CD300A: variants seen among roughly 807,000 people sequenced by gnomAD.
CD300A encodes the protein CD300a molecule.
A neutral mutation model predicts 33.6 loss-of-function variants in CD300A; 22 were observed. The ratio of observed to expected loss-of-function variants is 0.66; its 90% CI spans 0.47 to 0.94. The LOEUF (loss-of-function observed/expected upper bound fraction) is 0.94. Ranked by LOEUF, CD300A falls within the 40% of genes least tolerant of loss-of-function variation. The pLI, the probability that CD300A is intolerant of heterozygous loss-of-function variation, is 0.00. For missense variants in CD300A, 326 were observed against 360.5 expected, an observed-to-expected ratio of 0.90 and a Z score of 0.77; for synonymous variants, 136 against 148.1, an observed-to-expected ratio of 0.92 and a Z score of 0.59.
In CD300A at chr17:74,469,864, CA is replaced by C. The variant is rs894707287; in HGVS notation, c.40+3128del. ...AAAATAATTAATCATTTACCCCTTACAAAAAAATCCATTTATTAATGTATAT... is the reference window on the plus strand; with the variant it reads ...AAAATAATTAATCATTTACCCCTTACAAAAAATCCATTTATTAATGTATAT... On this transcript the variant is annotated intron_variant, in intron 1 of 6. Transcript: ENST00000360141. 4.1e-5 allele frequency: 28 copies of C among 678,932 alleles called. 1 individual carries two copies. The highest frequency in any genetic ancestry group is 3.8e-5 in the Non-Finnish European group (21 of 551,022). The allele number at this position is 678,932 out of a possible 1,614,324, so 42.1% of individuals were successfully genotyped here.
In CD300A at chr17:74,469,859, C is replaced by T. The variant is rs1315389173; in HGVS notation, c.40+3116C>T. 5 of 566,028 alleles carry T rather than the reference C, an allele frequency of 8.8e-6. No homozygotes were observed. In the African/African-American group the frequency reaches 1.0e-4, roughly 12 times the overall value. The allele number at this position is 566,028 out of a possible 1,614,324, so 35.1% of individuals were successfully genotyped here. A position where few individuals can be genotyped will look rare whatever the true frequency, so the allele number is the denominator to read the frequency against. On this transcript the variant is annotated intron_variant, in intron 1 of 6. Transcript: ENST00000360141. ...GAAATAAAATAATTAATCATTTACC[C>T]CTTACAAAAAAATCCATTTATTAAT... is the stretch of plus-strand genomic sequence containing the variant.
rs1907117952 is a variant in CD300A at position 74,484,394 on chromosome 17, C to G, written c.*268C>G. 1 of 322,434 alleles carries G rather than the reference C, an allele frequency of 3.1e-6. No individual in the cohort carries two copies. Among genetic ancestry groups the G allele is most frequent in the South Asian group, 4.1e-5 (1 of 24,188 alleles). The allele number at this position is 322,434 out of a possible 1,614,324, so 20.0% of individuals were successfully genotyped here. A position where few individuals can be genotyped will look rare whatever the true frequency, so the allele number is the denominator to read the frequency against. ...TCTTTCCCCTTTGCCCCTGCTTCAT[C>G]CCAGCTCTGTGTGTGGAGGACAAAG... On this transcript the variant is annotated 3_prime_UTR_variant, in exon 7 of 7. Coordinates refer to ENST00000360141, the MANE Select transcript of CD300A (RefSeq NM_007261.4).
intron 6 of CD300A, among the ~76,000 whole-genome samples, chr17:74,482,602 C>T (rs773965389): frequency 6.6e-6 from 1 of 151,226 alleles, no homozygotes; most frequent in African/African-American, 2.5e-5. Flanking sequence ...CGCACCGTTC[C>T]CCAACCTCCC....
chr17:74,477,669 C>T, intron 4 of CD300A, 139 bp downstream of exon 4: 1 of 577,094 alleles, frequency 1.7e-6, no homozygotes, highest in Non-Finnish European at 3.1e-6. Context: ...CTAGGTGATC[C>T]TACAGGGCAG....
At chr17:74,469,611 G>A (rs1300568639) in intron 1 of CD300A, among the ~76,000 whole-genome samples, 2 of 152,156 alleles carry the variant, frequency 1.3e-5, no homozygotes, top group African/African-American at 4.8e-5. Flanking sequence ...GATCACTTGA[G>A]GTCAGGAGTT....
chr17:74,480,430 T>C lies in CD300A; in HGVS notation c.629-859T>C, dbSNP rs1339828289. Among the ~76,000 whole-genome samples the C allele has an allele frequency of 6.6e-6, 1 of 152,140 alleles. No individual in the cohort carries two copies. Among genetic ancestry groups the C allele is most frequent in the East Asian group, 1.9e-4 (1 of 5,160 alleles). On this transcript the variant is annotated intron_variant, in intron 4 of 6. Transcript: ENST00000360141. This position sits in a 1 kb window ranked among gnomAD's most constrained non-coding sequence, Gnocchi z 4.2. ...GTTAGGGTGTACAGGGCTGTGCTCA[T>C]AGGCAGCACCCTTATAGAGCAGGTG...
chr17:74,476,362 T>G (rs1906461026), intron 3 of CD300A, among the ~76,000 whole-genome samples: 1 of 152,110 alleles, frequency 6.6e-6, no homozygotes, highest in South Asian at 2.1e-4. Context: ...CTGGACAACA[T>G]CCATAAACCC....
In CD300A at chr17:74,479,525, A is replaced by G. The variant is rs538118665; in HGVS notation, c.629-1764A>G. Reference sequence around the variant, plus strand: ...ATTACAGATGTGAGCCACCACACCCAGTCATGCATCTGCGATGTCTTAACA... The same window carrying G: ...ATTACAGATGTGAGCCACCACACCCGGTCATGCATCTGCGATGTCTTAACA... On this transcript the variant is annotated intron_variant, in intron 4 of 6. Coordinates refer to ENST00000360141, the MANE Select transcript of CD300A (RefSeq NM_007261.4). Among the ~76,000 whole-genome samples the G allele has an allele frequency of 7.9e-5, 12 of 152,166 alleles. No individual in the cohort carries two copies. In the East Asian group the frequency reaches 2.3e-3, roughly 29 times the overall value.
At chr17:74,477,156 C>A (rs1200470396) in intron 3 of CD300A, among the ~76,000 whole-genome samples, 1 of 151,992 alleles carries the variant, frequency 6.6e-6, no homozygotes, top group Admixed American at 6.6e-5. Context: ...GGCTTGAGCT[C>A]AGGAGTCTGA....
In CD300A at chr17:74,481,765, C is replaced by T. The variant is rs757061494; in HGVS notation, c.706C>T (p.Leu236=). The T allele has an allele frequency of 6.2e-7, 1 of 1,612,796 alleles. No homozygotes were observed. The highest frequency in any genetic ancestry group is 8.5e-7 in the Non-Finnish European group (1 of 1,179,682). ...QSELHYANLE[L]LMWPLQEKPA... Reference sequence around the variant, plus strand: ...TGAGCTGCACTACGCAAATCTGGAGCTGCTGATGTGGCCTCTGCAGGAAAA... The same window carrying T: ...TGAGCTGCACTACGCAAATCTGGAGTTGCTGATGTGGCCTCTGCAGGAAAA... Residue 236 remains leucine, a synonymous_variant, in exon 6 of 7, where the codon CTG becomes TTG. Coordinates refer to ENST00000360141, the MANE Select transcript of CD300A (RefSeq NM_007261.4).
chr17:74,473,805 G>A lies in CD300A; in HGVS notation c.310G>A (p.Gly104Arg), dbSNP rs767661925. ...GGAGGATGCAGGCACCTACTGGTGT[G>A]GGGTGGATACACCATGGCTCCGAGA... is the stretch of plus-strand genomic sequence containing the variant. ...TEEDAGTYWC[G>R]VDTPWLRDFH... is the part of the protein sequence containing the mutation. Residue 104 changes from glycine to arginine, a missense_variant, in exon 2 of 7, where the codon GGG becomes AGG. By Grantham distance (125) the Gly-to-Arg change is moderately radical. Transcript: ENST00000360141. 1 of 1,614,214 alleles carries A rather than the reference G, an allele frequency of 6.2e-7. No individual in the cohort carries two copies. Among genetic ancestry groups the A allele is most frequent in the Non-Finnish European group, 8.5e-7 (1 of 1,180,020 alleles).
chr17:74,481,630 C>T (rs1906854432), intron 5 of CD300A, 96 bp from the exon 6 acceptor site: 3 of 876,452 alleles, frequency 3.4e-6, no homozygotes, highest in East Asian at 5.3e-5. Flanking sequence ...GGCTGAGGTG[C>T]TCAGAGCATA....
chr17:74,479,728 G>T (rs1283010690), intron 4 of CD300A, among the ~76,000 whole-genome samples: 1 of 152,010 alleles, frequency 6.6e-6, no homozygotes, highest in Non-Finnish European at 1.5e-5. Context: ...AAACATTTTT[G>T]ACTCTCTGTC....
In CD300A at chr17:74,482,697, C is replaced by T. The variant is rs9915863; in HGVS notation, c.774+864C>T. On this transcript the variant is annotated intron_variant, in intron 6 of 6. Coordinates refer to ENST00000360141, the MANE Select transcript of CD300A (RefSeq NM_007261.4). ...GGCCAAGTTCCTTCCTTCCTTCCTT[C>T]CTTTCTTTCTTTCTTTCTTTCTTTC... Among the ~76,000 whole-genome samples, 219 of 130,180 alleles carry T rather than the reference C, an allele frequency of 1.7e-3. 2 individuals are homozygous for T. The highest frequency in any genetic ancestry group is 2.3e-3 in the Non-Finnish European group (146 of 64,654). The allele number at this position is 130,180 out of a possible 152,430, so 85.4% of individuals were successfully genotyped here.
In CD300A at chr17:74,477,451, C is replaced by G. The variant is rs779562299; in HGVS notation, c.549C>G (p.Leu183=). ...CCTCCTCCAGGCTCCCGCTGCTCCTCTCCCTGCTGGCATTGTTGCTGCTTC... is the reference window on the plus strand; with the variant it reads ...CCTCCTCCAGGCTCCCGCTGCTCCTGTCCCTGCTGGCATTGTTGCTGCTTC... ...EVVNSQLPLL[L]SLLALLLLLL... The change falls in exon 4 of 7, where the codon CTC becomes CTG. Residue 183 remains leucine (L), a synonymous_variant. Coordinates refer to ENST00000360141, the MANE Select transcript of CD300A (RefSeq NM_007261.4). The G allele has an allele frequency of 6.2e-7, 1 of 1,613,762 alleles. No individual in the cohort carries two copies. Among genetic ancestry groups the G allele is most frequent in the Non-Finnish European group, 8.5e-7 (1 of 1,179,824 alleles).
At chr17:74,477,797 T>A (rs1906574562) in intron 4 of CD300A, among the ~76,000 whole-genome samples, 2 of 152,042 alleles carry the variant, frequency 1.3e-5, no homozygotes, top group Non-Finnish European at 2.9e-5. Flanking sequence ...ATGACCCTCT[T>A]CTGTTTAAAA....
rs951382025 is a variant in CD300A at position 74,480,385 on chromosome 17, C to T, written c.629-904C>T. On this transcript the variant is annotated intron_variant, in intron 4 of 6. Coordinates refer to ENST00000360141, the MANE Select transcript of CD300A (RefSeq NM_007261.4). The surrounding 1 kb of genome is among the most constrained non-coding windows in gnomAD (Gnocchi z 4.2). The stretch of plus-strand genomic sequence containing the variant: ...TGTGTCACCCGCTGCCCACGTGGTC[C>T]GGGCTCCTGGGGTGAAAGGGTTAGG... Among the ~76,000 whole-genome samples the T allele has an allele frequency of 2.6e-5, 4 of 152,162 alleles. No homozygotes were observed. The highest frequency in any genetic ancestry group is 1.9e-4 in the East Asian group (1 of 5,194).
At position 74,480,541 on chromosome 17, in the gene CD300A, T is replaced by G. The variant is rs549569030; in HGVS notation, c.629-748T>G. On this transcript the variant is annotated intron_variant, in intron 4 of 6. Transcript: ENST00000360141. This position sits in a 1 kb window ranked among gnomAD's most constrained non-coding sequence, Gnocchi z 4.2. Reference sequence around the variant, plus strand: ...CCTACGGCCTGGGGCAGCAGGCAGGTGGGCTGTCTGGGAGGGCAGACCTCA... The same window carrying G: ...CCTACGGCCTGGGGCAGCAGGCAGGGGGGCTGTCTGGGAGGGCAGACCTCA... 4.6e-5 allele frequency among the ~76,000 whole-genome samples: 7 copies of G among 152,134 alleles called. No individual in the cohort carries two copies. In the South Asian group the frequency reaches 1.5e-3, roughly 32 times the overall value.
chr17:74,466,927 G>A (rs1335605868), intron 1 of CD300A, 184 bp downstream of exon 1: 1 of 1,449,132 alleles, frequency 6.9e-7, no homozygotes, highest in Admixed American at 2.5e-5. Context: ...AGAGGAAGGA[G>A]CCAGGGCCTC....
Sources: allele counts gnomAD v4.1 joint callset (sites outside exome capture counted in the v4.1 genomes callset), GRCh38; gene constraint gnomAD v4.1.1; non-coding constraint Gnocchi (gnomAD v3.1); transcripts MANE v1.5; gene names NCBI Gene and HGNC (gene_info 2026-07-23, HGNC 2026-07-21).